FRYL: variants seen among roughly 807,000 people sequenced by gnomAD.
FRYL encodes the protein protein furry homolog-like.
A neutral mutation model predicts 351.2 loss-of-function variants in FRYL; 150 were observed. The observed-to-expected ratio is 0.43, with a 90% CI of 0.37 to 0.49. The LOEUF (loss-of-function observed/expected upper bound fraction) is 0.49. Ranked by LOEUF, FRYL falls within the 20% of genes least tolerant of loss-of-function variation. The pLI is 0.00. For missense variants in FRYL, 3,036 were observed against 3,619.3 expected (o/e 0.84, Z 4.13); for synonymous variants, 1,153 against 1,257.1 (o/e 0.92, Z 1.75).
intron 2 of FRYL, among the ~76,000 whole-genome samples, chr4:48,709,022 C>T (rs778306209): frequency 4.6e-5 from 7 of 151,338 alleles, no homozygotes; most frequent in South Asian, 2.1e-4. Context: ...CCTGGGTTCA[C>T]GCCATTCTCC....
intron 1 of FRYL, among the ~76,000 whole-genome samples, chr4:48,754,567 C>T (rs566257798): frequency 5.5e-4 from 83 of 152,208 alleles, no homozygotes; most frequent in African/African-American, 1.9e-3. Flanking sequence ...CAACTGTCTT[C>T]CACAGCATGT....
intron 3 of FRYL, among the ~76,000 whole-genome samples, chr4:48,671,362 T>C (rs1467519666): frequency 6.6e-6 from 1 of 152,026 alleles, no homozygotes; most frequent in East Asian, 1.9e-4. Context: ...AAGACACACA[T>C]TATGAACAAA....
At chr4:48,609,101 T>C (rs1197849975) in intron 8 of FRYL, 34 bp from the exon 9 acceptor site, 1 of 1,368,090 alleles carries the variant, frequency 7.3e-7, no homozygotes, top group African/African-American at 1.4e-5. Context: ...TAACATTTCA[T>C]TAAATTTTTC....
At position 48,571,818 on chromosome 4, in the gene FRYL, A is replaced by C. The variant is rs1322886007; in HGVS notation, c.2905-900T>G. 4.1e-6 allele frequency: 4 copies of C among 984,266 alleles called. No homozygotes were observed. The Admixed American group carries it at 2.5e-4, about 61-fold the overall frequency. The allele number at this position is 984,266 out of a possible 1,614,324, so 61.0% of individuals were successfully genotyped here. A position where few individuals can be genotyped will look rare whatever the true frequency, so the allele number is the denominator to read the frequency against. On this transcript the variant is annotated intron_variant, in intron 26 of 63. Coordinates refer to ENST00000358350, the MANE Select transcript of FRYL (RefSeq NM_015030.2). Reference sequence around the variant, plus strand: ...GCCTGTTTTCATTTTGTCTTCACAGAAACAGTGTGAGTCTAAAGCTCTTCA... The same window carrying C: ...GCCTGTTTTCATTTTGTCTTCACAGCAACAGTGTGAGTCTAAAGCTCTTCA...
At chr4:48,710,357 G>T (rs774342244) in intron 2 of FRYL, among the ~76,000 whole-genome samples, 162 bp downstream of exon 2, 1 of 152,176 alleles carries the variant, frequency 6.6e-6, no homozygotes. Context: ...CATGTTCTGT[G>T]CACAGAATGT....
chr4:48,628,632 C>T (rs979734851), intron 4 of FRYL, among the ~76,000 whole-genome samples: 2 of 151,824 alleles, frequency 1.3e-5, no homozygotes, highest in African/African-American at 2.4e-5. Flanking sequence ...ACTATAGTAA[C>T]AATAATACAT....
intron 3 of FRYL, among the ~76,000 whole-genome samples, chr4:48,658,499 G>T (rs1759716558): frequency 6.6e-6 from 1 of 151,068 alleles, no homozygotes; most frequent in South Asian, 2.1e-4. Context: ...ACACTCTGGG[G>T]GGCCCAGGTG....
chr4:48,583,969 T>C (rs1741508525), intron 19 of FRYL, among the ~76,000 whole-genome samples: 2 of 152,018 alleles, frequency 1.3e-5, no homozygotes, highest in Admixed American at 1.3e-4. Flanking sequence ...AGTTTAAGTC[T>C]AAACAAATTA....
chr4:48,561,437 T>C (rs780665956), intron 33 of FRYL, 31 bp downstream of exon 33: 17 of 1,376,800 alleles, frequency 1.2e-5, no homozygotes, highest in Admixed American at 2.4e-5. Context: ...GATTGACAAA[T>C]AGAAACTACT....
rs1727563205 is a variant in FRYL, at chr4:48,531,356, G to A, written c.6706-3C>T. 1 of 1,605,078 alleles carries A rather than the reference G, an allele frequency of 6.2e-7. No individual in the cohort carries two copies. The highest frequency in any genetic ancestry group is 1.7e-5 in the Admixed American group (1 of 59,310). ...AGGGCTTCCTTCCAGTAAGGACTCT[G>A]GTTTAAAAAATAATTGACACGTAAA... On this transcript the variant is annotated splice_polypyrimidine_tract_variant and splice_region_variant and intron_variant, in intron 49 of 63. Coordinates refer to ENST00000358350, the MANE Select transcript of FRYL (RefSeq NM_015030.2).
At chr4:48,768,301 A>C (rs1775167654) in intron 1 of FRYL, among the ~76,000 whole-genome samples, 1 of 152,260 alleles carries the variant, frequency 6.6e-6, no homozygotes. Flanking sequence ...AAAGAAGGAC[A>C]GATTACGCAT....
In FRYL at chr4:48,540,952, T is replaced by C; in HGVS notation, c.5696A>G (p.Tyr1899Cys). The change falls in exon 46 of 64, where the codon TAT becomes TGT. Residue 1899 changes from tyrosine to cysteine, a missense_variant. Physicochemically the swap from Tyr to Cys is radical, Grantham distance 194. Around this residue, in one of 7 missense-constraint regions of FRYL, gnomAD observed 1,987 missense variants for 2,311.7 expected, o/e 0.86. Coordinates refer to ENST00000358350, the MANE Select transcript of FRYL (RefSeq NM_015030.2). The stretch of plus-strand genomic sequence containing the variant: ...CTTGTTTCCCATTATAGGATCATGA[T>C]ATGAGGTTCTTAAAAAAAAGAAAGA... ...DLLSALSQTS[Y>C]HDPIMGNKYA... The C allele has an allele frequency of 1.3e-6, 2 of 1,556,252 alleles. No individual in the cohort carries two copies. Among genetic ancestry groups the C allele is most frequent in the East Asian group, 2.3e-5 (1 of 44,136 alleles).
chr4:48,717,053 T>A (rs1289307711), intron 1 of FRYL, among the ~76,000 whole-genome samples: 14 of 142,764 alleles, frequency 9.8e-5, no homozygotes, highest in Non-Finnish European at 1.5e-4. Flanking sequence ...ATTCTCACTC[T>A]TAGGTGGGAA....
chr4:48,646,642 G>T (rs972369554), intron 3 of FRYL, among the ~76,000 whole-genome samples: 1 of 152,192 alleles, frequency 6.6e-6, no homozygotes, highest in African/African-American at 2.4e-5. Context: ...AGTTTGACCA[G>T]TAGTGGAATA....
intron 1 of FRYL, among the ~76,000 whole-genome samples, chr4:48,762,088 A>T (rs1258873747): frequency 6.6e-6 from 1 of 152,128 alleles, no homozygotes; most frequent in African/African-American, 2.4e-5. Flanking sequence ...AAAGTCTGCA[A>T]CCTGGAGGAG....
At chr4:48,618,990 AC>A (rs1750118364) in intron 7 of FRYL, 1 of 281,724 alleles carries the variant, frequency 3.5e-6, no homozygotes, top group Non-Finnish European at 6.6e-6. Flanking sequence ...CAGGCAAACT[AC>A]ATTTACAGCT....
At chr4:48,700,213 GA>G (rs1038784081) in intron 2 of FRYL, among the ~76,000 whole-genome samples, 3 of 152,012 alleles carry the variant, frequency 2.0e-5, no homozygotes, top group Non-Finnish European at 4.4e-5. Context: ...AAAAACAAAA[GA>G]TTTTTTTTTA....
chr4:48,622,528 T>C (rs947041965), intron 5 of FRYL, among the ~76,000 whole-genome samples: 19 of 152,170 alleles, frequency 1.2e-4, no homozygotes, highest in African/African-American at 4.6e-4. Flanking sequence ...TAACCACTCT[T>C]CTTTATTTAG....
intron 46 of FRYL, 78 bp downstream of exon 46, chr4:48,540,272 TTAG>T (rs1479426837): frequency 4.0e-5 from 58 of 1,451,412 alleles, no homozygotes; most frequent in Non-Finnish European, 5.2e-5. Flanking sequence ...AAAGCAGAAA[TTAG>T]TAGATTTCAA....
Sources: allele counts gnomAD v4.1 joint callset (sites outside exome capture counted in the v4.1 genomes callset), GRCh38; gene constraint gnomAD v4.1.1; regional missense constraint gnomAD v4.1.1; transcripts MANE v1.5; gene names NCBI Gene and HGNC (gene_info 2026-07-23, HGNC 2026-07-21).